Variants in PCDHGB6 observed in about 807,000 individuals in gnomAD.
PCDHGB6 encodes protocadherin gamma subfamily B, 6.
Under a neutral mutation model 59.1 loss-of-function variants are expected in PCDHGB6, and 51 were observed. The observed-to-expected ratio is 0.86, with a 90% CI of 0.69 to 1.09. The LOEUF (loss-of-function observed/expected upper bound fraction) is 1.09, where lower values mean the gene tolerates loss of function less well. Ranked by LOEUF, PCDHGB6 falls within the 50% of genes least tolerant of loss-of-function variation. The probability of loss-of-function intolerance (pLI) is 0.00; values close to 1 mark genes in which losing one functional copy is unlikely to be tolerated. For synonymous variants in PCDHGB6, 466 were observed against 495.1 expected, an observed-to-expected ratio of 0.94 and a Z score of 0.78; for missense variants, 1,148 against 1,205.1, an observed-to-expected ratio of 0.95 and a Z score of 0.70.
intron 1 of PCDHGB6, chr5:141,422,162 A>T: frequency 6.4e-7 from 1 of 1,571,230 alleles, no homozygotes; most frequent in Non-Finnish European, 8.6e-7. Context: ...GATTTTGAAA[A>T]ATATAGATTC....
In PCDHGB6 at chr5:141,414,656, C is replaced by A. The variant is rs1409573217; in HGVS notation, c.2418+4036C>A. The A allele has an allele frequency of 1.2e-5, 20 of 1,614,008 alleles. No individual in the cohort carries two copies. Among genetic ancestry groups the A allele is most frequent in the Non-Finnish European group, 1.7e-5 (20 of 1,179,888 alleles). On this transcript the variant is annotated intron_variant, in intron 1 of 3. Transcript: ENST00000520790. ...AAAGAGAATGCCCAGATTATTTACTCCCTGGCTGAAGACACCATCCAGGGG... is the reference window on the plus strand; with the variant it reads ...AAAGAGAATGCCCAGATTATTTACTACCTGGCTGAAGACACCATCCAGGGG...
At chr5:141,423,880 G>A in intron 1 of PCDHGB6, 1 of 1,282,292 alleles carries the variant, frequency 7.8e-7, no homozygotes, top group Middle Eastern at 2.9e-4. Context: ...TTTCAATCTT[G>A]GCATATTTTC....
In PCDHGB6 at chr5:141,491,492, T is replaced by G. The variant is rs763487622; in HGVS notation, c.2419-3315T>G. On this transcript the variant is annotated intron_variant, in intron 1 of 3. Coordinates refer to ENST00000520790, the MANE Select transcript of PCDHGB6 (RefSeq NM_018926.3). This position sits in a 1 kb window ranked among gnomAD's most constrained non-coding sequence, Gnocchi z 6.9. ...AAGCAGTCCAGCCCCAACCTGCAGG[T>G]GAGCTCGGACGGCACGCTCAAGTAC... 3.1e-6 allele frequency: 5 copies of G among 1,614,024 alleles called. No homozygotes were observed. The highest frequency in any genetic ancestry group is 3.4e-6 in the Non-Finnish European group (4 of 1,180,006).
intron 1 of PCDHGB6, chr5:141,415,325 C>G: frequency 6.2e-7 from 1 of 1,614,212 alleles, no homozygotes; most frequent in Non-Finnish European, 8.5e-7. Flanking sequence ...GTGCTGCTGG[C>G]GCACAGGCTG....
In PCDHGB6 at chr5:141,490,261, G is replaced by T; in HGVS notation, c.2419-4546G>T. 6.2e-7 allele frequency: 1 copy of T among 1,614,218 alleles called. No individual in the cohort carries two copies. Among genetic ancestry groups the T allele is most frequent in the Non-Finnish European group, 8.5e-7 (1 of 1,180,038 alleles). ...CCACTGTGTGATTCAAGTGGATGTG[G>T]GGGATGTCAATGACAATGCCCCAGA... On this transcript the variant is annotated intron_variant, in intron 1 of 3. Coordinates refer to ENST00000520790, the MANE Select transcript of PCDHGB6 (RefSeq NM_018926.3). The surrounding 1 kb of genome is among the most constrained non-coding windows in gnomAD (Gnocchi z 5.4).
At chr5:141,421,827 C>A in intron 1 of PCDHGB6, 1 of 1,613,802 alleles carries the variant, frequency 6.2e-7, no homozygotes, top group Non-Finnish European at 8.5e-7. Flanking sequence ...TGGAGGGAAG[C>A]CTGGACCGAG....
At chr5:141,460,741 A>G (rs1378900827) in intron 1 of PCDHGB6, among the ~76,000 whole-genome samples, 1 of 152,128 alleles carries the variant, frequency 6.6e-6, no homozygotes, top group Non-Finnish European at 1.5e-5. Flanking sequence ...CACATTGTAT[A>G]TATATGTGTA....
At position 141,493,235 on chromosome 5, in the gene PCDHGB6, T is replaced by G. The variant is rs541360337; in HGVS notation, c.2419-1572T>G. Among the ~76,000 whole-genome samples the G allele has an allele frequency of 6.6e-6, 1 of 152,352 alleles. No homozygotes were observed. The highest frequency in any genetic ancestry group is 1.5e-5 in the Non-Finnish European group (1 of 68,036). On this transcript the variant is annotated intron_variant, in intron 1 of 3. Transcript: ENST00000520790. This position sits in a 1 kb window ranked among gnomAD's most constrained non-coding sequence, Gnocchi z 4.3. ...TGCTCTTCCCACCATTGCTGTTGGC[T>G]AGGTACTAACATGCCTCTCTTATAA...
In PCDHGB6 at chr5:141,417,067, A is replaced by G. The variant is rs1008801110; in HGVS notation, c.2418+6447A>G. The stretch of plus-strand genomic sequence containing the variant: ...AAAAACTGCTCTTGACATTGTAGCT[A>G]TTGTGAGAAAATATTTTGATTATAA... On this transcript the variant is annotated intron_variant, in intron 1 of 3. Coordinates refer to ENST00000520790, the MANE Select transcript of PCDHGB6 (RefSeq NM_018926.3). 2.0e-5 allele frequency: 3 copies of G among 152,102 alleles called. No homozygotes were observed. The South Asian group carries it at 6.2e-4, about 31-fold the overall frequency. 9.4% of individuals were successfully genotyped at this position (152,102 alleles called of 1,614,324 possible).
chr5:141,431,974 CA>C lies in PCDHGB6; in HGVS notation c.2418+21355del, dbSNP rs1419355804. The C allele has an allele frequency of 1.2e-6, 2 of 1,614,174 alleles. No individual in the cohort carries two copies. The highest frequency in any genetic ancestry group is 1.3e-5 in the African/African-American group (1 of 75,058). On this transcript the variant is annotated intron_variant, in intron 1 of 3. Transcript: ENST00000520790. This position sits in a 1 kb window ranked among gnomAD's most constrained non-coding sequence, Gnocchi z 4.8. ...CTTACGGAAATTACTATAGTTTAGT[CA>C]CAGACATAGTCTTGGATAGGGAACA... is the stretch of plus-strand genomic sequence containing the variant.
rs1338071222 is a variant in PCDHGB6 at position 141,410,397 on chromosome 5, G to A, written c.2195G>A (p.Cys732Tyr). Residue 732 changes from cysteine (C) to tyrosine (Y), a missense_variant, in exon 1 of 4, where the codon TGT becomes TAT. Transcript: ENST00000520790. Reference protein sequence around the residue: ...ATWDCFHPGLCVKSGPVVPPN... With the variant: ...ATWDCFHPGLYVKSGPVVPPN... Reference sequence around the variant, plus strand: ...TGGGACTGCTTCCATCCTGGTCTCTGTGTCAAGTCTGGACCTGTAGTTCCC... The same window carrying A: ...TGGGACTGCTTCCATCCTGGTCTCTATGTCAAGTCTGGACCTGTAGTTCCC... The A allele has an allele frequency of 1.9e-6, 3 of 1,613,930 alleles. No individual in the cohort carries two copies. Among genetic ancestry groups the A allele is most frequent in the South Asian group, 1.1e-5 (1 of 91,094 alleles).
chr5:141,408,400 G>A lies in PCDHGB6; in HGVS notation c.198G>A (p.Leu66=), dbSNP rs2095097999. ...LSVLDVSARK[L]RVSAEKLHFS... ...TCCTGGATGTGTCGGCTCGCAAGCT[G>A]CGAGTGAGCGCGGAGAAGCTGCACT... The change falls in exon 1 of 4, where the codon CTG becomes CTA. Residue 66 remains leucine (L), a synonymous_variant. Transcript: ENST00000520790. The A allele has an allele frequency of 1.2e-6, 2 of 1,614,052 alleles. No individual in the cohort carries two copies. The highest frequency in any genetic ancestry group is 1.7e-6 in the Non-Finnish European group (2 of 1,179,878).
At chr5:141,427,694 A>G in intron 1 of PCDHGB6, 2 of 913,934 alleles carry the variant, frequency 2.2e-6, no homozygotes, top group South Asian at 1.4e-5. Flanking sequence ...CCTCCATCCC[A>G]CAAGTCAGCG....
rs1452737362 is a variant in PCDHGB6, at chr5:141,432,324, A to G, written c.2418+21704A>G. On this transcript the variant is annotated intron_variant, in intron 1 of 3. Transcript: ENST00000520790. The surrounding 1 kb of genome is among the most constrained non-coding windows in gnomAD (Gnocchi z 6.0). ...CTGTATGCGCTGAGCTCCTTCGACTACGAGCAGTTCCGAGACTTGCAAGTG... is the reference window on the plus strand; with the variant it reads ...CTGTATGCGCTGAGCTCCTTCGACTGCGAGCAGTTCCGAGACTTGCAAGTG... 3 of 1,614,058 alleles carry G rather than the reference A, an allele frequency of 1.9e-6. No homozygotes were observed. The highest frequency in any genetic ancestry group is 2.7e-5 in the African/African-American group (2 of 74,910).
At chr5:141,442,445 T>A (rs2098325574) in intron 1 of PCDHGB6, 1 of 152,198 alleles carries the variant, frequency 6.6e-6, no homozygotes, top group South Asian at 2.1e-4. Flanking sequence ...CCCTCAGGAC[T>A]CAATAGCAGT....
At chr5:141,420,222 TG>T in intron 1 of PCDHGB6, 1 of 1,604,490 alleles carries the variant, frequency 6.2e-7, no homozygotes, top group East Asian at 2.2e-5. Flanking sequence ...AGCATGCTAC[TG>T]GCTAGCATTT....
In PCDHGB6 at chr5:141,431,985, T is replaced by A. The variant is rs1354693325; in HGVS notation, c.2418+21365T>A. 1 of 1,614,202 alleles carries A rather than the reference T, an allele frequency of 6.2e-7. No homozygotes were observed. The highest frequency in any genetic ancestry group is 1.7e-5 in the Admixed American group (1 of 60,030). ...TACTATAGTTTAGTCACAGACATAG[T>A]CTTGGATAGGGAACAGGTTCCTAGC... On this transcript the variant is annotated intron_variant, in intron 1 of 3. Coordinates refer to ENST00000520790, the MANE Select transcript of PCDHGB6 (RefSeq NM_018926.3). This position sits in a 1 kb window ranked among gnomAD's most constrained non-coding sequence, Gnocchi z 4.8.
At chr5:141,438,571 T>TATAC (rs1212381177) in intron 1 of PCDHGB6, among the ~76,000 whole-genome samples, 15 of 94,542 alleles carry the variant, frequency 1.6e-4, no homozygotes, top group South Asian at 1.0e-3. Flanking sequence ...AGCTGTCTGA[T>TATAC]ATACATACAT....
rs925034052 is a variant in PCDHGB6, at chr5:141,486,630, T to G, written c.2419-8177T>G. 2 of 1,613,690 alleles carry G rather than the reference T, an allele frequency of 1.2e-6. No individual in the cohort carries two copies. Among genetic ancestry groups the G allele is most frequent in the Non-Finnish European group, 1.7e-6 (2 of 1,180,028 alleles). ...GCAGCCTCTGACCCAGACTCTGGCTTGAATGCGCTTATCTCCTACTCACTC... is the reference window on the plus strand; with the variant it reads ...GCAGCCTCTGACCCAGACTCTGGCTGGAATGCGCTTATCTCCTACTCACTC... On this transcript the variant is annotated intron_variant, in intron 1 of 3. Coordinates refer to ENST00000520790, the MANE Select transcript of PCDHGB6 (RefSeq NM_018926.3). This position sits in a 1 kb window ranked among gnomAD's most constrained non-coding sequence, Gnocchi z 5.0.
Sources: allele counts gnomAD v4.1 joint callset (sites outside exome capture counted in the v4.1 genomes callset), GRCh38; gene constraint gnomAD v4.1.1; non-coding constraint Gnocchi (gnomAD v3.1); transcripts MANE v1.5; gene names NCBI Gene and HGNC (gene_info 2026-07-23, HGNC 2026-07-21).